Variants in NSUN3 observed in about 807,000 individuals in gnomAD.
The protein encoded by NSUN3 is tRNA (cytosine(34)-C(5))-methyltransferase, mitochondrial.
A neutral mutation model predicts 36.8 loss-of-function variants in NSUN3; 24 were observed. The observed-to-expected ratio is 0.65, with a 90% CI of 0.47 to 0.92. The LOEUF (loss-of-function observed/expected upper bound fraction) is 0.92. NSUN3 is among the 40% of genes least tolerant of loss of function. The pLI is 0.00. For synonymous variants in NSUN3, 146 were observed against 145.2 expected, an observed-to-expected ratio of 1.01 and a Z score of -0.04; for missense variants, 381 against 392.8, an observed-to-expected ratio of 0.97 and a Z score of 0.25.
chr3:94,080,947 C>G (rs932152092), intron 2 of NSUN3, among the ~76,000 whole-genome samples: 1 of 152,142 alleles, frequency 6.6e-6, no homozygotes, highest in Non-Finnish European at 1.5e-5. Context: ...TCAGGCGCCA[C>G]TGGGGTATGG....
At position 94,128,738 on chromosome 3, in the gene NSUN3, A is replaced by G. The variant is rs531252531; in HGVS notation, c.*2248A>G. ...TACAGGATGGGAGAAATATTTGCAAATTATGCATCTGCCAAAGGTCTAATA... is the reference window on the plus strand; with the variant it reads ...TACAGGATGGGAGAAATATTTGCAAGTTATGCATCTGCCAAAGGTCTAATA... On this transcript the variant is annotated 3_prime_UTR_variant, in exon 6 of 6. Transcript: ENST00000314622. 1.1e-4 allele frequency among the ~76,000 whole-genome samples: 17 copies of G among 152,190 alleles called. 1 individual carries two copies. In the South Asian group the frequency reaches 2.7e-3, roughly 24 times the overall value.
intron 5 of NSUN3, among the ~76,000 whole-genome samples, chr3:94,123,107 T>A (rs2107274799): frequency 6.6e-6 from 1 of 152,290 alleles, no homozygotes; most frequent in East Asian, 1.9e-4. Context: ...CTTCAAGTTT[T>A]TCTCAGTTTT....
chr3:94,076,702 A>G, intron 2 of NSUN3: 2 of 1,279,976 alleles, frequency 1.6e-6, no homozygotes, highest in Non-Finnish European at 2.3e-6. Context: ...CTGGTTTAGG[A>G]TGTTTTGTAT....
intron 1 of NSUN3, chr3:94,063,386 T>C: frequency 1.9e-6 from 1 of 513,272 alleles, no homozygotes. Flanking sequence ...CTGAGATTTG[T>C]TTTCTGTGTC....
At chr3:94,113,394 A>ATTCATGCCTATATATATATATATATATAT (rs2077426325) in intron 5 of NSUN3, among the ~76,000 whole-genome samples, 2 of 152,206 alleles carry the variant, frequency 1.3e-5, no homozygotes, top group South Asian at 4.1e-4. Context: ...TAAGAATAAT[A>ATTCATGCCTATATATATATATATATATAT]ATTCATGCCT....
intron 5 of NSUN3, among the ~76,000 whole-genome samples, chr3:94,123,933 A>G (rs948349074): frequency 3.3e-5 from 5 of 152,022 alleles, no homozygotes; most frequent in Non-Finnish European, 7.4e-5. Context: ...ATAGTTATCT[A>G]TCACTAAATT....
In NSUN3 at chr3:94,128,646, C is replaced by T. The variant is rs905999150; in HGVS notation, c.*2156C>T. ...TGCCCCAAAAGCAGAAATTGACAAGCGGGACCTAATTAAACTGAAGAGCTT... is the reference window on the plus strand; with the variant it reads ...TGCCCCAAAAGCAGAAATTGACAAGTGGGACCTAATTAAACTGAAGAGCTT... On this transcript the variant is annotated 3_prime_UTR_variant, in exon 6 of 6. Coordinates refer to ENST00000314622, the MANE Select transcript of NSUN3 (RefSeq NM_022072.5). The T allele has an allele frequency of 1.2e-4, 18 of 150,028 alleles. No homozygotes were observed. Among genetic ancestry groups the T allele is most frequent in the Admixed American group, 9.3e-4 (14 of 14,992 alleles). The allele number at this position is 150,028 out of a possible 1,614,324, so 9.3% of individuals were successfully genotyped here.
In NSUN3 at chr3:94,129,579, C is replaced by G. The variant is rs763792165; in HGVS notation, c.*3089C>G. Among the ~76,000 whole-genome samples, 4 of 151,948 alleles carry G rather than the reference C, an allele frequency of 2.6e-5. No homozygotes were observed. The highest frequency in any genetic ancestry group is 5.9e-5 in the Non-Finnish European group (4 of 68,000). ...CCTGGGTGACGGGATCGTCTGTACC[C>G]CAAACCTCAGCATCATCCAGTATAC... On this transcript the variant is annotated 3_prime_UTR_variant, in exon 6 of 6. Coordinates refer to ENST00000314622, the MANE Select transcript of NSUN3 (RefSeq NM_022072.5).
At chr3:94,098,201 T>G (rs2077351196) in intron 5 of NSUN3, among the ~76,000 whole-genome samples, 1 of 152,148 alleles carries the variant, frequency 6.6e-6, no homozygotes, top group African/African-American at 2.4e-5. Flanking sequence ...TCTCATATAT[T>G]CAATCAATCA....
Position 94,126,612 on chromosome 3 carries a change from A to T in NSUN3, c.*122A>T. On this transcript the variant is annotated 3_prime_UTR_variant, in exon 6 of 6. Transcript: ENST00000314622. ...GTCTGTTTGGAATCCTATTTAGTTA[A>T]TACTTTAGCATCTTAGAATCTAGGC... 2.5e-6 allele frequency: 2 copies of T among 812,202 alleles called. No individual in the cohort carries two copies. Among genetic ancestry groups the T allele is most frequent in the South Asian group, 4.1e-5 (2 of 48,714 alleles). The allele number at this position is 812,202 out of a possible 1,614,324, so 50.3% of individuals were successfully genotyped here.
chr3:94,126,163 T>C, intron 5 of NSUN3, 48 bp from the exon 6 acceptor site: 1 of 1,531,086 alleles, frequency 6.5e-7, no homozygotes, highest in South Asian at 1.3e-5. Context: ...CCCTGGTTTC[T>C]TTTTAATATA....
chr3:94,080,799 C>T (rs2077265338), intron 2 of NSUN3, among the ~76,000 whole-genome samples: 1 of 152,216 alleles, frequency 6.6e-6, no homozygotes, highest in Non-Finnish European at 1.5e-5. Context: ...TGCTGCTGTG[C>T]TGGCAGTGAG....
At chr3:94,107,619 A>G (rs2077395539) in intron 5 of NSUN3, among the ~76,000 whole-genome samples, 1 of 152,008 alleles carries the variant, frequency 6.6e-6, no homozygotes, top group Admixed American at 6.6e-5. Flanking sequence ...TTTTCTTTAA[A>G]TCAGACAGTC....
At chr3:94,114,639 G>A (rs2077432146) in intron 5 of NSUN3, among the ~76,000 whole-genome samples, 1 of 151,994 alleles carries the variant, frequency 6.6e-6, no homozygotes, top group South Asian at 2.1e-4. Flanking sequence ...TTTAGATTCG[G>A]GGGTACATGT....
At chr3:94,088,813 T>C (rs1332846212) in intron 3 of NSUN3, among the ~76,000 whole-genome samples, 1 of 151,932 alleles carries the variant, frequency 6.6e-6, no homozygotes, top group Non-Finnish European at 1.5e-5. Flanking sequence ...GCTGGGATTA[T>C]AGGCACATGC....
At chr3:94,123,335 C>T (rs554622803) in intron 5 of NSUN3, among the ~76,000 whole-genome samples, 12 of 152,256 alleles carry the variant, frequency 7.9e-5, no homozygotes, top group South Asian at 4.1e-4. Flanking sequence ...ATTAAAATTT[C>T]GGAGTCATGA....
At chr3:94,100,310 C>A (rs1016048379) in intron 5 of NSUN3, among the ~76,000 whole-genome samples, 2 of 152,186 alleles carry the variant, frequency 1.3e-5, no homozygotes, top group Non-Finnish European at 2.9e-5. Flanking sequence ...AAAGCAAGGA[C>A]ATTCTGTTAT....
rs757138259 is a variant in NSUN3 at position 94,064,549 on chromosome 3, T to C, written c.122+3T>C. The C allele has an allele frequency of 6.5e-7, 1 of 1,528,218 alleles. No individual in the cohort carries two copies. The highest frequency in any genetic ancestry group is 1.1e-5 in the South Asian group (1 of 89,270). 94.7% of individuals were successfully genotyped at this position (1,528,218 alleles called of 1,614,324 possible). ...GGAGATGCCTGGAATACAGTAAGGT[T>C]AGTATAATTCATCTCGATGCTTTAT... On this transcript the variant is annotated splice_donor_region_variant and intron_variant, in intron 2 of 5. Coordinates refer to ENST00000314622, the MANE Select transcript of NSUN3 (RefSeq NM_022072.5).
At chr3:94,097,200 AT>A (rs1481106773) in intron 5 of NSUN3, among the ~76,000 whole-genome samples, 1 of 152,246 alleles carries the variant, frequency 6.6e-6, no homozygotes, top group Non-Finnish European at 1.5e-5. Flanking sequence ...TTGTAAAAAA[AT>A]AAATCAAATA....
Sources: gnomAD v4.1 joint callset for allele counts (sites outside exome capture counted in the v4.1 genomes callset) on GRCh38, gnomAD v4.1.1 for gene constraint, MANE v1.5 for transcripts, NCBI Gene and HGNC (gene_info 2026-07-23, HGNC 2026-07-21) for gene names.